The following RTN3 variants were observed in gnomAD, a reference collection of about 807,000 sequenced individuals.
The protein encoded by RTN3 is reticulon-3.
In RTN3, 49 loss-of-function variants were observed where a neutral mutation model predicts 77.8. The ratio of observed to expected loss-of-function variants is 0.63; its 90% CI spans 0.50 to 0.80. The LOEUF (loss-of-function observed/expected upper bound fraction) is 0.80. Among genes scored for constraint, RTN3 ranks in the 30% least tolerant of loss-of-function variants. RTN3 has a pLI of 0.00. For missense variants in RTN3, 1,236 were observed against 1,211.9 expected, an observed-to-expected ratio of 1.02 and a Z score of -0.29; for synonymous variants, 464 against 446.9, an observed-to-expected ratio of 1.04 and a Z score of -0.48.
At chr11:63,683,972 T>TTTTTTA (rs1375625604) in intron 1 of RTN3, among the ~76,000 whole-genome samples, 4 of 136,052 alleles carry the variant, frequency 2.9e-5, no homozygotes, top group Non-Finnish European at 4.8e-5. Context: ...TTTTTTTTTT[T>TTTTTTA]AGACAAGGTC....
intron 1 of RTN3, among the ~76,000 whole-genome samples, chr11:63,696,031 C>T (rs1047694267): frequency 2.0e-5 from 3 of 151,592 alleles, no homozygotes; most frequent in Non-Finnish European, 4.4e-5. Context: ...ATGACTTATC[C>T]TATTGTTTGG....
chr11:63,753,688 A>G lies in RTN3; in HGVS notation c.2974A>G (p.Ile992Val). The change falls in exon 7 of 9, where the codon ATT becomes GTT. Residue 992 changes from isoleucine (I) to valine (V), a missense_variant. Ile to Val is a conservative substitution (Grantham distance 29, BLOSUM62 3). Transcript: ENST00000377819. ...LAELLIFSVP[I>V]VYEKYKTQID... ...TGAACTGCTCATTTTCAGTGTCCCG[A>G]TTGTCTATGAGAAGTACAAGGTAAG... 6.2e-7 allele frequency: 1 copy of G among 1,613,776 alleles called. No homozygotes were observed. Among genetic ancestry groups the G allele is most frequent in the Non-Finnish European group, 8.5e-7 (1 of 1,179,758 alleles).
intron 1 of RTN3, among the ~76,000 whole-genome samples, chr11:63,698,210 G>A (rs971359752): frequency 8.0e-5 from 12 of 150,032 alleles, no homozygotes; most frequent in African/African-American, 2.7e-4. Flanking sequence ...TGCCACCTCC[G>A]CTTCCTGGGC....
At chr11:63,732,845 A>T (rs1052020662) in intron 3 of RTN3, among the ~76,000 whole-genome samples, 21 of 152,214 alleles carry the variant, frequency 1.4e-4, no homozygotes, top group Non-Finnish European at 2.9e-4. Flanking sequence ...GAGTAATACC[A>T]AAACTGGACA....
At chr11:63,757,183 A>T (rs1013105530) in intron 8 of RTN3, among the ~76,000 whole-genome samples, 3 of 152,242 alleles carry the variant, frequency 2.0e-5, no homozygotes, top group African/African-American at 7.2e-5. Flanking sequence ...CTTTTCTAAG[A>T]TTGCCAAATC....
chr11:63,686,168 G>A (rs867029170), intron 1 of RTN3, among the ~76,000 whole-genome samples: 3 of 152,170 alleles, frequency 2.0e-5, no homozygotes, highest in Middle Eastern at 6.8e-3. Flanking sequence ...CTGATGACAC[G>A]ATGTTGAAAT....
intron 1 of RTN3, among the ~76,000 whole-genome samples, chr11:63,691,184 G>C (rs1183369106): frequency 2.2e-5 from 3 of 139,018 alleles, no homozygotes; most frequent in East Asian, 4.3e-4. Context: ...GCAGTGGCAC[G>C]ATCTCTGCTC....
At chr11:63,756,620 G>T (rs372281968) in intron 8 of RTN3, among the ~76,000 whole-genome samples, 2 of 152,288 alleles carry the variant, frequency 1.3e-5, no homozygotes, top group South Asian at 4.1e-4. Flanking sequence ...GAATTTTTTG[G>T]AGACAGGGTC....
At position 63,720,651 on chromosome 11, in the gene RTN3, A is replaced by C; in HGVS notation, c.2149A>C (p.Thr717Pro). Residue 717 changes from threonine to proline, a missense_variant, in exon 3 of 9, where the codon ACA becomes CCA. This residue lies in a region of RTN3 where 1,056 missense variants were observed against 990.4 expected (regional missense o/e 1.07). Transcript: ENST00000377819. Reference protein sequence around the residue: ...GSKYSEQSKETNGSEPLGVFP... With the variant: ...GSKYSEQSKEPNGSEPLGVFP... The stretch of plus-strand genomic sequence containing the variant: ...CAAATACAGTGAACAAAGCAAAGAA[A>C]CAAATGGAAGTGAGCCTCTAGGTGT... 6.2e-7 allele frequency: 1 copy of C among 1,614,114 alleles called. No homozygotes were observed. The highest frequency in any genetic ancestry group is 8.5e-7 in the Non-Finnish European group (1 of 1,180,012).
At position 63,719,988 on chromosome 11, in the gene RTN3, A is replaced by G. The variant is rs1353491693; in HGVS notation, c.1486A>G (p.Ser496Gly). ...SALGEITEADSSGESDDTVIE... is the reference protein window; with the variant it reads ...SALGEITEADGSGESDDTVIE... Reference sequence around the variant, plus strand: ...ATTGGGAGAAATCACAGAAGCTGATAGTTCTGGTGAGTCTGATGACACAGT... The same window carrying G: ...ATTGGGAGAAATCACAGAAGCTGATGGTTCTGGTGAGTCTGATGACACAGT... Residue 496 changes from serine to glycine, a missense_variant, in exon 3 of 9, where the codon AGT (serine) becomes GGT (glycine). Physicochemically the swap from Ser to Gly is moderately conservative, Grantham distance 56 (BLOSUM62 0). This residue lies in a region of RTN3 where 1,056 missense variants were observed against 990.4 expected (regional missense o/e 1.07). Coordinates refer to ENST00000377819, the MANE Select transcript of RTN3 (RefSeq NM_001265589.2). 1 of 1,614,096 alleles carries G rather than the reference A, an allele frequency of 6.2e-7. No individual in the cohort carries two copies. Among genetic ancestry groups the G allele is most frequent in the African/African-American group, 1.3e-5 (1 of 74,938 alleles).
intron 2 of RTN3, among the ~76,000 whole-genome samples, chr11:63,705,347 G>T (rs973624244): frequency 6.6e-6 from 1 of 152,168 alleles, no homozygotes; most frequent in Non-Finnish European, 1.5e-5. Context: ...GGCATAGGTG[G>T]TGCATGCCTG....
At chr11:63,744,692 GA>G (rs1341729562) in intron 3 of RTN3, among the ~76,000 whole-genome samples, 4 of 152,086 alleles carry the variant, frequency 2.6e-5, no homozygotes, top group Non-Finnish European at 5.9e-5. Flanking sequence ...AAATAAAAGA[GA>G]ATGAAAAGAA....
At chr11:63,692,540 C>T (rs537396615) in intron 1 of RTN3, among the ~76,000 whole-genome samples, 20 of 152,044 alleles carry the variant, frequency 1.3e-4, no homozygotes, top group Non-Finnish European at 2.2e-4. Flanking sequence ...AGACAGATCA[C>T]GAGGTCAGGA....
chr11:63,717,375 CTTTTTTT>C (rs1187530525), intron 2 of RTN3, among the ~76,000 whole-genome samples: 18 of 75,164 alleles, frequency 2.4e-4, no homozygotes, highest in Admixed American at 4.3e-4. Context: ...TTAACTCTGT[CTTTTTTT>C]TTTTTTTTTT....
chr11:63,735,547 CATTT>C (rs2013031635), intron 3 of RTN3, among the ~76,000 whole-genome samples: 1 of 26,856 alleles, frequency 3.7e-5, no homozygotes, highest in East Asian at 1.1e-3. Flanking sequence ...CAGATTCTAA[CATTT>C]CTCTCTCTCT....
At chr11:63,698,101 C>T (rs1406213103) in intron 1 of RTN3, among the ~76,000 whole-genome samples, 6 of 151,672 alleles carry the variant, frequency 4.0e-5, no homozygotes, top group Non-Finnish European at 5.9e-5. Flanking sequence ...GTCATCAATG[C>T]GAAATTAATT....
In RTN3 at chr11:63,724,243, C is replaced by T. The variant is rs192264906; in HGVS notation, c.2530+3211C>T. ...TGTCGCCCAGGCTGGAGTGCAGTGG[C>T]GCAATCTCGGCTCACTGCAAGCTCT... On this transcript the variant is annotated intron_variant, in intron 3 of 8. Coordinates refer to ENST00000377819, the MANE Select transcript of RTN3 (RefSeq NM_001265589.2). Among the ~76,000 whole-genome samples the T allele has an allele frequency of 3.9e-5, 5 of 128,004 alleles. No individual in the cohort carries two copies. The East Asian group carries it at 6.8e-4, about 17-fold the overall frequency. 84.0% of individuals were successfully genotyped at this position (128,004 alleles called of 152,430 possible).
chr11:63,751,300 C>G (rs2014093462), intron 4 of RTN3, among the ~76,000 whole-genome samples: 1 of 152,194 alleles, frequency 6.6e-6, no homozygotes. Context: ...CTTGTTGTGT[C>G]TGTGCTTTGG....
intron 3 of RTN3, among the ~76,000 whole-genome samples, chr11:63,742,587 T>C (rs536996569): frequency 3.3e-5 from 5 of 151,870 alleles, no homozygotes; most frequent in South Asian, 4.2e-4. Flanking sequence ...GGAGGTTGCA[T>C]TGAGCCGAGA....
Sources: gnomAD v4.1 joint callset for allele counts (sites outside exome capture counted in the v4.1 genomes callset) on GRCh38, gnomAD v4.1.1 for gene constraint, gnomAD v4.1.1 regional missense constraint, MANE v1.5 for transcripts, NCBI Gene and HGNC (gene_info 2026-07-23, HGNC 2026-07-21) for gene names.